RBMS3: variants seen among roughly 807,000 people sequenced by gnomAD.
RBMS3 encodes the protein RNA-binding motif, single-stranded-interacting protein 3.
A neutral mutation model predicts 66.8 loss-of-function variants in RBMS3; 27 were observed. That is an observed-to-expected ratio of 0.40 (90% CI 0.30 to 0.56). RBMS3 has a LOEUF of 0.56. Among genes scored for constraint, RBMS3 ranks in the 20% least tolerant of loss-of-function variants. The probability of loss-of-function intolerance (pLI) is 0.40; values close to 1 mark genes in which losing one functional copy is unlikely to be tolerated. For synonymous variants in RBMS3, 188 were observed against 183.0 expected, an observed-to-expected ratio of 1.03 and a Z score of -0.22; for missense variants, 513 against 549.5, an observed-to-expected ratio of 0.93 and a Z score of 0.66.
Position 29,608,179 on chromosome 3 carries a change from A to G in RBMS3, c.399+20974A>G, listed in dbSNP as rs567944028. On this transcript the variant is annotated intron_variant, in intron 4 of 14. Transcript: ENST00000383767. ...CCAGACATCATATTATTTCACCTAT[A>G]TATATTTTACCATTTGCCTCTACCA... Among the ~76,000 whole-genome samples the G allele has an allele frequency of 2.7e-4, 41 of 151,990 alleles. 1 individual carries two copies. The highest frequency in any genetic ancestry group is 8.9e-4 in the African/African-American group (37 of 41,516).
rs535427108 is a variant in RBMS3 at position 29,721,058 on chromosome 3, G to A, written c.400-18662G>A. 9.9e-5 allele frequency among the ~76,000 whole-genome samples: 15 copies of A among 152,256 alleles called. No individual in the cohort carries two copies. In the South Asian group the frequency reaches 3.1e-3, roughly 32 times the overall value. On this transcript the variant is annotated intron_variant, in intron 4 of 14. Coordinates refer to ENST00000383767, the MANE Select transcript of RBMS3 (RefSeq NM_001003793.3). Reference sequence around the variant, plus strand: ...AATTTCAAAAATATTTAGTGTTGCAGCAGATACTAGCAGATTCACACTGCA... The same window carrying A: ...AATTTCAAAAATATTTAGTGTTGCAACAGATACTAGCAGATTCACACTGCA...
chr3:29,513,770 A>C (rs1384970268), intron 3 of RBMS3, among the ~76,000 whole-genome samples: 1 of 152,144 alleles, frequency 6.6e-6, no homozygotes, highest in African/African-American at 2.4e-5. Context: ...TTCTATTTGA[A>C]AAAAAATATT....
intron 1 of RBMS3, among the ~76,000 whole-genome samples, chr3:29,332,145 A>C (rs2035701630): frequency 1.3e-5 from 2 of 152,130 alleles, no homozygotes; most frequent in African/African-American, 4.8e-5. Flanking sequence ...CTTCTGTTTC[A>C]GTTTATTCAG....
At chr3:29,733,564 TA>T (rs2054227569) in intron 4 of RBMS3, among the ~76,000 whole-genome samples, 1 of 152,082 alleles carries the variant, frequency 6.6e-6, no homozygotes, top group Non-Finnish European at 1.5e-5. Context: ...GGCATTCTAA[TA>T]GGGGTGAGAT....
intron 1 of RBMS3, among the ~76,000 whole-genome samples, chr3:29,402,230 CA>C (rs950110246): frequency 2.6e-5 from 4 of 151,938 alleles, no homozygotes; most frequent in African/African-American, 9.7e-5. Flanking sequence ...ATGTAGGAAA[CA>C]TTATTCTAAT....
At chr3:29,722,962 CTCTT>C (rs750363546) in intron 4 of RBMS3, among the ~76,000 whole-genome samples, 2 of 151,770 alleles carry the variant, frequency 1.3e-5, no homozygotes, top group South Asian at 2.1e-4. Context: ...CTTTTACTCA[CTCTT>C]TTTTTTTCTT....
Position 29,988,153 on chromosome 3 carries a change from C to G in RBMS3, c.1109C>G (p.Ala370Gly). 1 of 1,612,352 alleles carries G rather than the reference C, an allele frequency of 6.2e-7. No homozygotes were observed. Among genetic ancestry groups the G allele is most frequent in the South Asian group, 1.1e-5 (1 of 91,044 alleles). ...TTTGATTCTCTCTAGTATATGACTG[C>G]TGCTGCTCCTATGCAAGGGACCTAC... ...LHQLLCQYMT[A>G]AAPMQGTYIP... Residue 370 changes from alanine to glycine, a missense_variant, in exon 13 of 15, where the codon GCT becomes GGT. By Grantham distance (60) the Ala-to-Gly change is moderately conservative. Transcript: ENST00000383767.
At position 29,861,114 on chromosome 3, in the gene RBMS3, A is replaced by AT. The variant is rs200473935; in HGVS notation, c.638-7738dup. 6.1e-3 allele frequency among the ~76,000 whole-genome samples: 928 copies of AT among 152,132 alleles called. 10 individuals carry two copies. Among genetic ancestry groups the AT allele is most frequent in the African/African-American group, 0.021 (863 of 41,506 alleles). On this transcript the variant is annotated intron_variant, in intron 6 of 14. Coordinates refer to ENST00000383767, the MANE Select transcript of RBMS3 (RefSeq NM_001003793.3). ...TTCTGACCTCGTGATCATTTGTTTC[A>AT]TTTTTTCAATTGAGAAATAATTTAC... is the stretch of plus-strand genomic sequence containing the variant.
intron 3 of RBMS3, among the ~76,000 whole-genome samples, chr3:29,558,347 G>T (rs190407216): frequency 6.6e-6 from 1 of 151,960 alleles, no homozygotes; most frequent in Non-Finnish European, 1.5e-5. Flanking sequence ...GGAAAGGGGT[G>T]GGGGAACTAG....
intron 10 of RBMS3, among the ~76,000 whole-genome samples, chr3:29,905,629 G>C (rs1299930581): frequency 6.6e-6 from 1 of 151,866 alleles, no homozygotes; most frequent in Non-Finnish European, 1.5e-5. Flanking sequence ...GCTCTATTTT[G>C]ACTACTATAA....
intron 6 of RBMS3, among the ~76,000 whole-genome samples, chr3:29,839,403 A>C (rs985761753): frequency 6.6e-6 from 1 of 152,126 alleles, no homozygotes; most frequent in South Asian, 2.1e-4. Context: ...TATTTTGCTT[A>C]AAGTGTTGCA....
intron 1 of RBMS3, among the ~76,000 whole-genome samples, chr3:29,418,544 T>G (rs1242155558): frequency 6.6e-6 from 1 of 152,082 alleles, no homozygotes; most frequent in Non-Finnish European, 1.5e-5. Context: ...CTCCAAAAAG[T>G]GGTTCTTGGC....
intron 5 of RBMS3, among the ~76,000 whole-genome samples, chr3:29,755,503 C>T (rs1403594973): frequency 1.3e-5 from 2 of 152,134 alleles, no homozygotes; most frequent in Admixed American, 6.5e-5. Flanking sequence ...CAAATATTTA[C>T]AGAAGCAGTG....
chr3:29,412,207 T>C (rs1285583606), intron 1 of RBMS3, among the ~76,000 whole-genome samples: 2 of 152,196 alleles, frequency 1.3e-5, no homozygotes, highest in East Asian at 3.9e-4. Flanking sequence ...TTGACAGTCA[T>C]GTATGACTAT....
intron 4 of RBMS3, among the ~76,000 whole-genome samples, chr3:29,711,109 T>C (rs1481926628): frequency 6.6e-6 from 1 of 152,180 alleles, no homozygotes; most frequent in Non-Finnish European, 1.5e-5. Context: ...CATACATAGC[T>C]GTGATAAAGT....
rs936760992 is a variant in RBMS3 at position 30,005,212 on chromosome 3, G to A, written c.*1350G>A. On this transcript the variant is annotated 3_prime_UTR_variant, in exon 15 of 15. Coordinates refer to ENST00000383767, the MANE Select transcript of RBMS3 (RefSeq NM_001003793.3). ...TACATAGTGCAAAAAAAAAAAGAGG[G>A]TGGGGGGAGTTGTCTCTCTTTTCTT... is the stretch of plus-strand genomic sequence containing the variant. The A allele has an allele frequency of 3.3e-5, 5 of 151,068 alleles. No homozygotes were observed. The highest frequency in any genetic ancestry group is 9.7e-5 in the African/African-American group (4 of 41,114). The allele number at this position is 151,068 out of a possible 1,614,324, so 9.4% of individuals were successfully genotyped here. A position where few individuals can be genotyped will look rare whatever the true frequency, so the allele number is the denominator to read the frequency against.
chr3:29,914,348 A>G (rs914219200), intron 10 of RBMS3, among the ~76,000 whole-genome samples: 1 of 151,856 alleles, frequency 6.6e-6, no homozygotes, highest in Admixed American at 6.6e-5. Context: ...AGGCCAGATA[A>G]AGATTTTCAA....
intron 1 of RBMS3, among the ~76,000 whole-genome samples, chr3:29,282,747 C>A (rs1286201166): frequency 2.0e-5 from 3 of 152,130 alleles, no homozygotes; most frequent in African/African-American, 7.2e-5. Context: ...AATAAATATG[C>A]CGAGAGTGAA....
chr3:29,475,393 T>G (rs997726900), intron 2 of RBMS3, among the ~76,000 whole-genome samples: 3 of 151,882 alleles, frequency 2.0e-5, no homozygotes, highest in African/African-American at 7.3e-5. Flanking sequence ...GGACTACAGG[T>G]GCACACCACC....
Sources: gnomAD v4.1 joint callset for allele counts (sites outside exome capture counted in the v4.1 genomes callset) on GRCh38, gnomAD v4.1.1 for gene constraint, MANE v1.5 for transcripts, NCBI Gene and HGNC (gene_info 2026-07-23, HGNC 2026-07-21) for gene names.